NUP37: variants seen among roughly 807,000 people sequenced by gnomAD.
The protein encoded by NUP37 is nucleoporin Nup37.
Under a neutral mutation model 45.4 loss-of-function variants are expected in NUP37, and 33 were observed. The observed-to-expected ratio is 0.73, with a 90% CI of 0.55 to 0.97. The LOEUF is 0.97. Ranked by LOEUF, NUP37 falls within the 50% of genes least tolerant of loss-of-function variation. The pLI, the probability that NUP37 is intolerant of heterozygous loss-of-function variation, is 0.00. For synonymous variants in NUP37, 127 were observed against 130.7 expected, an observed-to-expected ratio of 0.97 and a Z score of 0.19; for missense variants, 365 against 389.7, an observed-to-expected ratio of 0.94 and a Z score of 0.53.
In NUP37 at chr12:102,079,890, G is replaced by A. The variant is rs148849647; in HGVS notation, c.541-2387C>T. Reference sequence around the variant, plus strand: ...TTTAGGTGAGCAAGTGCACATAAGCGGACTCAAACTTTTTGTTGTTCTGTG... The same window carrying A: ...TTTAGGTGAGCAAGTGCACATAAGCAGACTCAAACTTTTTGTTGTTCTGTG... On this transcript the variant is annotated intron_variant, in intron 6 of 9. Coordinates refer to ENST00000552283, the MANE Select transcript of NUP37 (RefSeq NM_024057.4). 1.1e-3 allele frequency among the ~76,000 whole-genome samples: 170 copies of A among 152,244 alleles called. 1 individual carries two copies. Among genetic ancestry groups the A allele is most frequent in the African/African-American group, 4.1e-3 (170 of 41,554 alleles).
intron 7 of NUP37, 141 bp downstream of exon 7, chr12:102,077,181 C>T: frequency 2.4e-6 from 2 of 820,076 alleles, no homozygotes; most frequent in Non-Finnish European, 4.0e-6. Flanking sequence ...TATAAAAATC[C>T]ATAGCTCTGG....
intron 3 of NUP37, among the ~76,000 whole-genome samples, chr12:102,105,989 G>A (rs1880141257): frequency 6.6e-6 from 1 of 151,830 alleles, no homozygotes; most frequent in African/African-American, 2.4e-5. Context: ...ATACTAAGAT[G>A]ATCATCCTGG....
Position 102,101,119 on chromosome 12 carries a change from A to C in NUP37, c.282-15T>G. On this transcript the variant is annotated splice_polypyrimidine_tract_variant and intron_variant, in intron 3 of 9. Transcript: ENST00000552283. Reference sequence around the variant, plus strand: ...AAGTACAAAATCTGGAAGCAAAAAAACAAAAATATACCAATTTTTAGCCTT... The same window carrying C: ...AAGTACAAAATCTGGAAGCAAAAAACCAAAAATATACCAATTTTTAGCCTT... The C allele has an allele frequency of 2.7e-6, 4 of 1,492,850 alleles. No individual in the cohort carries two copies. The highest frequency in any genetic ancestry group is 3.7e-6 in the Non-Finnish European group (4 of 1,091,274). The allele number at this position is 1,492,850 out of a possible 1,614,324, so 92.5% of individuals were successfully genotyped here. A position where few individuals can be genotyped will look rare whatever the true frequency, so the allele number is the denominator to read the frequency against.
At chr12:102,079,611 C>CACTGT (rs1417398371) in intron 6 of NUP37, among the ~76,000 whole-genome samples, 1 of 152,130 alleles carries the variant, frequency 6.6e-6, no homozygotes, top group African/African-American at 2.4e-5. Flanking sequence ...AGTGCTATAA[C>CACTGT]TCATGCCTAA....
At position 102,075,852 on chromosome 12, in the gene NUP37, AG is replaced by A. The variant is rs947604087; in HGVS notation, c.774-759del. On this transcript the variant is annotated intron_variant, in intron 8 of 9. Transcript: ENST00000552283. ...GGCAGTCATAGCAATCTCCCATAAA[AG>A]GAGAGGGTTCCTTCTTCTCCTCTTA... Among the ~76,000 whole-genome samples, 10 of 151,906 alleles carry A rather than the reference AG, an allele frequency of 6.6e-5. No individual in the cohort carries two copies. The South Asian group carries it at 1.7e-3, about 25-fold the overall frequency.
chr12:102,098,554 T>G (rs1409804987), intron 5 of NUP37, among the ~76,000 whole-genome samples: 2 of 151,356 alleles, frequency 1.3e-5, no homozygotes, highest in Admixed American at 6.6e-5. Context: ...TTTTTTGAGA[T>G]GGAGTGTCGC....
At position 102,101,058 on chromosome 12, in the gene NUP37, C is replaced by T. The variant is rs776457822; in HGVS notation, c.328G>A (p.Asp110Asn). ...TTATATTCATTTTTATCCTGAAGAT[C>T]TGAAGTAAATAATCTAATTTTCATA... ...ADMKIRLFTS[D>N]LQDKNEYKVL... The change falls in exon 4 of 10, where the codon GAT becomes AAT. Residue 110 changes from aspartate to asparagine, a missense_variant. Transcript: ENST00000552283. The T allele has an allele frequency of 5.1e-6, 8 of 1,559,028 alleles. No homozygotes were observed. The highest frequency in any genetic ancestry group is 6.1e-6 in the Non-Finnish European group (7 of 1,147,090).
In NUP37 at chr12:102,085,880, T is replaced by C. The variant is rs759178882; in HGVS notation, c.450-24A>G. The C allele has an allele frequency of 5.0e-6, 6 of 1,189,450 alleles. No individual in the cohort carries two copies. The South Asian group carries it at 5.4e-5, about 11-fold the overall frequency. The allele number at this position is 1,189,450 out of a possible 1,614,324, so 73.7% of individuals were successfully genotyped here. A position where few individuals can be genotyped will look rare whatever the true frequency, so the allele number is the denominator to read the frequency against. The stretch of plus-strand genomic sequence containing the variant: ...TCCTAATAAAAGAATAACAGTATAA[T>C]GTTAATTGTTCTTGATATATCATTA... On this transcript the variant is annotated intron_variant, in intron 5 of 9. Transcript: ENST00000552283.
intron 3 of NUP37, among the ~76,000 whole-genome samples, chr12:102,110,431 A>G (rs929204037): frequency 3.3e-5 from 5 of 151,934 alleles, no homozygotes; most frequent in Non-Finnish European, 5.9e-5. Flanking sequence ...AGGCTGAGCC[A>G]AGGGAGGTTG....
chr12:102,085,926 GAATT>G (rs1269786349), intron 5 of NUP37, 70 bp from the exon 6 acceptor site: 5 of 711,420 alleles, frequency 7.0e-6, no homozygotes, highest in East Asian at 2.8e-5. Flanking sequence ...AAATTTCCAT[GAATT>G]TATTCAAAGC....
rs771563760 is a variant in NUP37 at position 102,074,323 on chromosome 12, A to G, written c.*31T>C. 1 of 1,333,668 alleles carries G rather than the reference A, an allele frequency of 7.5e-7. No homozygotes were observed. Among genetic ancestry groups the G allele is most frequent in the Non-Finnish European group, 1.1e-6 (1 of 940,752 alleles). The allele number at this position is 1,333,668 out of a possible 1,614,324, so 82.6% of individuals were successfully genotyped here. On this transcript the variant is annotated 3_prime_UTR_variant, in exon 10 of 10. Transcript: ENST00000552283. ...CTTCAAAATATGTACTAAAAATACA[A>G]AGTTTGTGAATCTAAGGTACAGAAA...
chr12:102,110,606 G>T (rs1285719685), intron 3 of NUP37, among the ~76,000 whole-genome samples: 1 of 151,994 alleles, frequency 6.6e-6, no homozygotes, highest in Non-Finnish European at 1.5e-5. Context: ...ACTTTGGGAG[G>T]CCAAGGCACA....
chr12:102,074,883 T>C (rs1879125058), intron 9 of NUP37, 118 bp downstream of exon 9: 1 of 533,202 alleles, frequency 1.9e-6, no homozygotes, highest in Non-Finnish European at 3.2e-6. Context: ...TTTAAGCAGA[T>C]AACAAACGTA....
chr12:102,110,928 A>C (rs1441144468), intron 3 of NUP37, among the ~76,000 whole-genome samples: 2 of 152,240 alleles, frequency 1.3e-5, no homozygotes, highest in Non-Finnish European at 1.5e-5. Flanking sequence ...CCACTTTAGA[A>C]ACTGGCATTT....
chr12:102,085,659 T>C (rs2136720688), intron 6 of NUP37, 107 bp downstream of exon 6: 1 of 534,024 alleles, frequency 1.9e-6, no homozygotes, highest in Non-Finnish European at 3.3e-6. Flanking sequence ...CTGACTAGTA[T>C]CTCTGAGATG....
chr12:102,086,929 T>A (rs542804232), intron 5 of NUP37, among the ~76,000 whole-genome samples: 24 of 152,116 alleles, frequency 1.6e-4, no homozygotes, highest in Middle Eastern at 3.4e-3. Flanking sequence ...ACAAAACACA[T>A]AAAAATTGGC....
chr12:102,114,484 G>C (rs1004945742), intron 2 of NUP37, among the ~76,000 whole-genome samples: 4 of 152,148 alleles, frequency 2.6e-5, no homozygotes, highest in African/African-American at 9.7e-5. Flanking sequence ...TGCTATTTTG[G>C]ATTTAGTTTG....
Position 102,112,096 on chromosome 12 carries a change from T to C in NUP37, c.281+12A>G. 1.2e-6 allele frequency: 2 copies of C among 1,612,810 alleles called. No homozygotes were observed. The highest frequency in any genetic ancestry group is 8.5e-7 in the Non-Finnish European group (1 of 1,179,072). On this transcript the variant is annotated intron_variant, in intron 3 of 9. Transcript: ENST00000552283. ...CATTAGTAAGGAATGCATTTGGTACTGTTAAACTTACTTGATTACTGGAGG... is the reference window on the plus strand; with the variant it reads ...CATTAGTAAGGAATGCATTTGGTACCGTTAAACTTACTTGATTACTGGAGG...
At chr12:102,098,817 G>A (rs1879888750) in intron 5 of NUP37, among the ~76,000 whole-genome samples, 1 of 152,238 alleles carries the variant, frequency 6.6e-6, no homozygotes, top group Non-Finnish European at 1.5e-5. Context: ...TAGGCATGTG[G>A]CACTGTGCCC....
Sources: allele counts gnomAD v4.1 joint callset (sites outside exome capture counted in the v4.1 genomes callset), GRCh38; gene constraint gnomAD v4.1.1; transcripts MANE v1.5; gene names NCBI Gene and HGNC (gene_info 2026-07-23, HGNC 2026-07-21).